MEF2B: variants seen among roughly 807,000 people sequenced by gnomAD.
The protein encoded by MEF2B is myocyte enhancer factor 2B, also known as myocyte-specific enhancer factor 2B.
A neutral mutation model predicts 32.2 loss-of-function variants in MEF2B; 15 were observed. That is an observed-to-expected ratio of 0.47 (90% CI 0.31 to 0.72). MEF2B has a LOEUF of 0.72. Ranked by LOEUF, MEF2B falls within the 30% of genes least tolerant of loss-of-function variation. MEF2B has a pLI of 0.05. For synonymous variants in MEF2B, 205 were observed against 225.6 expected, an observed-to-expected ratio of 0.91 and a Z score of 0.82; for missense variants, 441 against 511.5, an observed-to-expected ratio of 0.86 and a Z score of 1.33.
chr19:19,156,569 T>C (rs553812368), intron 1 of MEF2B, among the ~76,000 whole-genome samples: 1 of 152,312 alleles, frequency 6.6e-6, no homozygotes, highest in East Asian at 1.9e-4. Context: ...GTTTTACAGC[T>C]ATTTTCTCAA....
intron 1 of MEF2B, among the ~76,000 whole-genome samples, chr19:19,166,263 T>C (rs1022315348): frequency 4.5e-4 from 68 of 152,058 alleles, no homozygotes; most frequent in African/African-American, 1.6e-3. Flanking sequence ...AGAATCACCG[T>C]CACAGGGTCC....
Position 19,146,399 on chromosome 19 carries a change from T to C in MEF2B, c.770-15A>G, listed in dbSNP as rs2060026605. 3 of 1,081,362 alleles carry C rather than the reference T, an allele frequency of 2.8e-6. No individual in the cohort carries two copies. Among genetic ancestry groups the C allele is most frequent in the African/African-American group, 1.6e-5 (1 of 61,312 alleles). The allele number at this position is 1,081,362 out of a possible 1,614,324, so 67.0% of individuals were successfully genotyped here. On this transcript the variant is annotated splice_polypyrimidine_tract_variant and intron_variant, in intron 7 of 8. Coordinates refer to ENST00000424583, the MANE Select transcript of MEF2B (RefSeq NM_001145785.2). Reference sequence around the variant, plus strand: ...CAGGCCATATTCTGGTGGGCAGGAATTGGGGGCTGAGGCCTGGACATCTCC... The same window carrying C: ...CAGGCCATATTCTGGTGGGCAGGAACTGGGGGCTGAGGCCTGGACATCTCC...
intron 1 of MEF2B, among the ~76,000 whole-genome samples, chr19:19,165,452 T>A (rs1222144411): frequency 6.6e-6 from 1 of 152,044 alleles, no homozygotes; most frequent in Non-Finnish European, 1.5e-5. Flanking sequence ...CTGAGGTGTC[T>A]CAGGGAGGTG....
intron 1 of MEF2B, among the ~76,000 whole-genome samples, chr19:19,165,076 T>G (rs995861343): frequency 4.6e-5 from 7 of 152,038 alleles, no homozygotes; most frequent in African/African-American, 1.7e-4. Flanking sequence ...TTTAGGACAC[T>G]GTCAGTCCCC....
chr19:19,167,376 G>C (rs147123188), intron 1 of MEF2B, among the ~76,000 whole-genome samples: 2 of 64,036 alleles, frequency 3.1e-5, no homozygotes, highest in East Asian at 3.2e-4. Flanking sequence ...AAAAAAATTA[G>C]CTGGGTGTGC....
chr19:19,160,619 G>A (rs952254640), intron 1 of MEF2B, among the ~76,000 whole-genome samples: 1 of 150,274 alleles, frequency 6.7e-6, no homozygotes, highest in African/African-American at 2.4e-5. Flanking sequence ...TGAGAGGCAG[G>A]TGGGTTGGGT....
At chr19:19,165,961 C>A (rs1371060369) in intron 1 of MEF2B, among the ~76,000 whole-genome samples, 1 of 152,168 alleles carries the variant, frequency 6.6e-6, no homozygotes, top group African/African-American at 2.4e-5. Context: ...TCACAAACAC[C>A]TCCACTTGGT....
At chr19:19,150,625 GCCATGC>G in intron 2 of MEF2B, 51 bp downstream of exon 2, 2 of 1,611,208 alleles carry the variant, frequency 1.2e-6, no homozygotes, top group Non-Finnish European at 1.7e-6. Context: ...CCTTGCCTAG[GCCATGC>G]CCCCTGCTAG....
At chr19:19,150,178 GGGAGGGAAGGAAGGAAGGAAGGAAGGAA>G (rs1166490766) in intron 2 of MEF2B, among the ~76,000 whole-genome samples, 4 of 107,814 alleles carry the variant, frequency 3.7e-5, no homozygotes, top group Admixed American at 1.7e-4. Flanking sequence ...GAAGGAGGGA[GGGAGGGAAGGAAGGAAGGAAGGAAGGAA>G]GGAGGGAAGG....
chr19:19,150,300 C>T (rs374902616), intron 2 of MEF2B, among the ~76,000 whole-genome samples: 12 of 150,956 alleles, frequency 7.9e-5, no homozygotes, highest in East Asian at 3.9e-4. Context: ...GAGGCCGAGG[C>T]GGGCAGATCA....
intron 1 of MEF2B, among the ~76,000 whole-genome samples, chr19:19,155,091 T>C (rs1379256713): frequency 6.6e-6 from 1 of 152,164 alleles, no homozygotes; most frequent in Middle Eastern, 3.2e-3. Flanking sequence ...CTCTAGCCCC[T>C]GAGGGAATCT....
intron 1 of MEF2B, chr19:19,157,025 C>A: frequency 5.1e-6 from 1 of 196,606 alleles, no homozygotes; most frequent in Non-Finnish European, 1.1e-5. Flanking sequence ...TGGCACACAC[C>A]TGTAGTCCTG....
chr19:19,166,741 A>T (rs927586239), intron 1 of MEF2B, among the ~76,000 whole-genome samples: 1 of 151,902 alleles, frequency 6.6e-6, no homozygotes, highest in African/African-American at 2.4e-5. Flanking sequence ...ACAGAAAGAC[A>T]TCTGTCTCTA....
chr19:19,157,703 C>T (rs1466650532), intron 1 of MEF2B, among the ~76,000 whole-genome samples: 1 of 152,160 alleles, frequency 6.6e-6, no homozygotes, highest in East Asian at 1.9e-4. Context: ...CAAAAATTAG[C>T]TGGGCGTGCT....
chr19:19,162,059 C>T (rs905425692), intron 1 of MEF2B, among the ~76,000 whole-genome samples: 4 of 152,108 alleles, frequency 2.6e-5, no homozygotes, highest in Non-Finnish European at 5.9e-5. Flanking sequence ...CTGCCTACTT[C>T]GGCCTCCCAA....
intron 8 of MEF2B, 46 bp from the exon 9 acceptor site, chr19:19,146,068 G>A: frequency 7.2e-7 from 1 of 1,382,986 alleles, no homozygotes; most frequent in Non-Finnish European, 9.5e-7. Flanking sequence ...AGCGAGGAAG[G>A]GAAGGAAGCC....
Position 19,145,898 on chromosome 19 carries a change from T to C in MEF2B, c.1006A>G (p.Thr336Ala). 1 of 1,452,098 alleles carries C rather than the reference T, an allele frequency of 6.9e-7. No individual in the cohort carries two copies. Among genetic ancestry groups the C allele is most frequent in the East Asian group, 2.6e-5 (1 of 38,378 alleles). 90.0% of individuals were successfully genotyped at this position (1,452,098 alleles called of 1,614,324 possible). ...APGGPGDFPKTFPYPLLLARS... is the reference protein window; with the variant it reads ...APGGPGDFPKAFPYPLLLARS... Reference sequence around the variant, plus strand: ...GCGAGGAGCAAGGGATAGGGGAAGGTCTTAGGAAAGTCGCCGGGGCCCCCG... The same window carrying C: ...GCGAGGAGCAAGGGATAGGGGAAGGCCTTAGGAAAGTCGCCGGGGCCCCCG... The change falls in exon 9 of 9, where the codon ACC (threonine) becomes GCC (alanine). Residue 336 changes from threonine (T) to alanine (A), a missense_variant. Coordinates refer to ENST00000424583, the MANE Select transcript of MEF2B (RefSeq NM_001145785.2). This position sits in a 1 kb window ranked among gnomAD's most constrained non-coding sequence, Gnocchi z 4.6.
At position 19,149,433 on chromosome 19, in the gene MEF2B, G is replaced by C; in HGVS notation, c.55-4C>G. On this transcript the variant is annotated splice_polypyrimidine_tract_variant and splice_region_variant and intron_variant, in intron 2 of 8. Transcript: ENST00000424583. ...ACTTCCGCTTGGTGAACGTCACCTG[G>C]ACCCAGGACCCACAGGGGCAGGGGA... The C allele has an allele frequency of 6.2e-7, 1 of 1,614,040 alleles. No individual in the cohort carries two copies.
At chr19:19,153,493 G>C (rs112944336) in intron 1 of MEF2B, among the ~76,000 whole-genome samples, 1 of 152,120 alleles carries the variant, frequency 6.6e-6, no homozygotes, top group South Asian at 2.1e-4. Context: ...GTCTCACTCT[G>C]TCGCCCAGGC....
Sources: allele counts gnomAD v4.1 joint callset (sites outside exome capture counted in the v4.1 genomes callset), GRCh38; gene constraint gnomAD v4.1.1; non-coding constraint Gnocchi (gnomAD v3.1); transcripts MANE v1.5; gene names NCBI Gene and HGNC (gene_info 2026-07-23, HGNC 2026-07-21).